Variants in PPP3CA observed in about 807,000 individuals in gnomAD.
The protein encoded by PPP3CA is CAM-PRP catalytic subunit.
PPP3CA carries 14 observed loss-of-function variants against 66.5 expected under a neutral mutation model. The observed-to-expected ratio is 0.21, with a 90% CI of 0.14 to 0.33. The LOEUF (loss-of-function observed/expected upper bound fraction) is 0.33. Ranked by LOEUF, PPP3CA falls within the 10% of genes least tolerant of loss-of-function variation. PPP3CA has a pLI of 1.00. For missense variants in PPP3CA, 317 were observed against 639.5 expected, an observed-to-expected ratio of 0.50 and a Z score of 5.44; for synonymous variants, 232 against 226.2, an observed-to-expected ratio of 1.03 and a Z score of -0.23.
intron 1 of PPP3CA, among the ~76,000 whole-genome samples, chr4:101,210,740 GTTTA>G (rs1393065906): frequency 6.6e-6 from 1 of 152,030 alleles, no homozygotes; most frequent in Non-Finnish European, 1.5e-5. Flanking sequence ...GTTGGTTTGT[GTTTA>G]TTTCTTTGTC....
intron 1 of PPP3CA, among the ~76,000 whole-genome samples, chr4:101,204,981 T>A (rs1725087360): frequency 6.7e-6 from 1 of 149,962 alleles, no homozygotes. Flanking sequence ...CCATACTAGA[T>A]GAAATTATTA....
At chr4:101,298,383 G>A (rs1005965469) in intron 1 of PPP3CA, among the ~76,000 whole-genome samples, 22 of 150,620 alleles carry the variant, frequency 1.5e-4, no homozygotes, top group African/African-American at 3.7e-4. Flanking sequence ...CTTTAACAAC[G>A]TAAGTTTGAA....
At chr4:101,130,334 A>G (rs1722389760) in intron 2 of PPP3CA, among the ~76,000 whole-genome samples, 1 of 152,196 alleles carries the variant, frequency 6.6e-6, no homozygotes, top group South Asian at 2.1e-4. Context: ...AGTTCAATAT[A>G]TTATCCAGGA....
intron 1 of PPP3CA, among the ~76,000 whole-genome samples, chr4:101,213,040 C>T (rs1467226068): frequency 6.6e-6 from 1 of 152,044 alleles, no homozygotes; most frequent in Non-Finnish European, 1.5e-5. Context: ...TAAAGTATGT[C>T]TTCAGAAAGT....
At chr4:101,145,652 A>T (rs1201583822) in intron 2 of PPP3CA, among the ~76,000 whole-genome samples, 1 of 152,164 alleles carries the variant, frequency 6.6e-6, no homozygotes, top group Non-Finnish European at 1.5e-5. Context: ...GGGGTAAGGA[A>T]AAAGTGGGAA....
chr4:101,314,849 T>G (rs151044162), intron 1 of PPP3CA, among the ~76,000 whole-genome samples: 1 of 152,182 alleles, frequency 6.6e-6, no homozygotes, highest in Non-Finnish European at 1.5e-5. Context: ...CTTCCTTCAT[T>G]ATAAGGGTAA....
At chr4:101,277,262 CT>C (rs1290934768) in intron 1 of PPP3CA, among the ~76,000 whole-genome samples, 2 of 152,072 alleles carry the variant, frequency 1.3e-5, no homozygotes, top group Non-Finnish European at 2.9e-5. Flanking sequence ...TGAATAATAC[CT>C]CATCATATGG....
At chr4:101,179,172 A>G (rs1724157783) in intron 2 of PPP3CA, among the ~76,000 whole-genome samples, 2 of 152,036 alleles carry the variant, frequency 1.3e-5, no homozygotes, top group African/African-American at 4.8e-5. Context: ...AGAAAACAAA[A>G]GAGGTGTCCA....
chr4:101,300,941 T>C (rs1290470554), intron 1 of PPP3CA, among the ~76,000 whole-genome samples: 2 of 152,174 alleles, frequency 1.3e-5, no homozygotes, highest in Non-Finnish European at 2.9e-5. Context: ...AATATTCTGG[T>C]AGACACCAAA....
At chr4:101,338,265 CAT>C (rs1729699664) in intron 1 of PPP3CA, among the ~76,000 whole-genome samples, 1 of 152,180 alleles carries the variant, frequency 6.6e-6, no homozygotes, top group Admixed American at 6.5e-5. Flanking sequence ...GAGCAAAATC[CAT>C]ATAATGCCAG....
intron 8 of PPP3CA, among the ~76,000 whole-genome samples, chr4:101,075,361 A>G (rs574324144): frequency 6.6e-6 from 1 of 152,298 alleles, no homozygotes; most frequent in African/African-American, 2.4e-5. Flanking sequence ...TTCCTCTCAA[A>G]TCCAAAATAA....
intron 1 of PPP3CA, among the ~76,000 whole-genome samples, chr4:101,270,585 A>G (rs1727306755): frequency 6.6e-6 from 1 of 152,200 alleles, no homozygotes; most frequent in Admixed American, 6.6e-5. Flanking sequence ...TTTAAGGTAG[A>G]CAGTATTGGT....
At chr4:101,265,273 A>AT (rs1044471296) in intron 1 of PPP3CA, among the ~76,000 whole-genome samples, 6 of 151,280 alleles carry the variant, frequency 4.0e-5, no homozygotes, top group South Asian at 4.2e-4. Context: ...TCTTTTATTT[A>AT]TTTTTTTTAT....
intron 3 of PPP3CA, among the ~76,000 whole-genome samples, chr4:101,104,696 A>T (rs548183238): frequency 2.0e-5 from 3 of 152,218 alleles, no homozygotes; most frequent in Non-Finnish European, 4.4e-5. Flanking sequence ...TAACAATGTC[A>T]GTTTCCTTAA....
intron 1 of PPP3CA, among the ~76,000 whole-genome samples, chr4:101,218,268 C>T (rs74513361): frequency 0.017 from 2,637 of 152,038 alleles, 31 homozygotes; most frequent in Non-Finnish European, 0.025. Flanking sequence ...GGGAATAATG[C>T]CCCTTTCCCA....
chr4:101,126,683 C>T (rs1722255593), intron 2 of PPP3CA, among the ~76,000 whole-genome samples: 1 of 152,106 alleles, frequency 6.6e-6, no homozygotes, highest in African/African-American at 2.4e-5. Context: ...ATTTATCCAC[C>T]AGTAAAGCTC....
intron 1 of PPP3CA, among the ~76,000 whole-genome samples, chr4:101,264,583 A>G (rs1331234397): frequency 6.6e-6 from 1 of 152,218 alleles, no homozygotes; most frequent in Non-Finnish European, 1.5e-5. Flanking sequence ...GAAAAATGCA[A>G]AATGTACAAA....
chr4:101,232,842 T>G (rs1382212728), intron 1 of PPP3CA, among the ~76,000 whole-genome samples: 1 of 151,734 alleles, frequency 6.6e-6, no homozygotes, highest in East Asian at 1.9e-4. Flanking sequence ...AAAACTGATG[T>G]TTTTCCATTT....
At position 101,278,213 on chromosome 4, in the gene PPP3CA, AT is replaced by A. The variant is rs372276320; in HGVS notation, c.58+68525del. 7.8e-4 allele frequency among the ~76,000 whole-genome samples: 118 copies of A among 151,702 alleles called. 1 individual carries two copies. Among genetic ancestry groups the A allele is most frequent in the African/African-American group, 2.6e-3 (109 of 41,344 alleles). ...ATGAAATAAATTTAACACTGCAATT[AT>A]TTTGCCATATTCAGTTTCTTAATTA... is the stretch of plus-strand genomic sequence containing the variant. On this transcript the variant is annotated intron_variant, in intron 1 of 13. Coordinates refer to ENST00000394854, the MANE Select transcript of PPP3CA (RefSeq NM_000944.5).
Sources: gnomAD v4.1 joint callset for allele counts (sites outside exome capture counted in the v4.1 genomes callset) on GRCh38, gnomAD v4.1.1 for gene constraint, MANE v1.5 for transcripts, NCBI Gene and HGNC (gene_info 2026-07-23, HGNC 2026-07-21) for gene names.